The following KIF20B variants were observed in gnomAD, a reference collection of about 807,000 sequenced individuals.
KIF20B encodes kinesin-like protein KIF20B.
Under a neutral mutation model 232.5 loss-of-function variants are expected in KIF20B, and 188 were observed. That is an observed-to-expected ratio of 0.81 (90% CI 0.72 to 0.91). KIF20B has a LOEUF of 0.91. KIF20B is among the 40% of genes least tolerant of loss of function. The pLI is 0.00. For missense variants in KIF20B, 2,154 were observed against 2,055.9 expected (o/e 1.05, Z -0.92); for synonymous variants, 712 against 683.0 (o/e 1.04, Z -0.66).
At chr10:89,725,573 G>A (rs938469938) in intron 15 of KIF20B, among the ~76,000 whole-genome samples, 58 of 151,994 alleles carry the variant, frequency 3.8e-4, no homozygotes, top group African/African-American at 7.0e-4. Context: ...GGCAACTACC[G>A]TTTCTTACTC....
chr10:89,726,858 G>GA (rs1843197756), intron 16 of KIF20B, among the ~76,000 whole-genome samples: 1 of 133,566 alleles, frequency 7.5e-6, no homozygotes. Flanking sequence ...CAAGGCTGGA[G>GA]TCAGTAGTGG....
At chr10:89,741,968 G>A (rs2133134855) in intron 21 of KIF20B, among the ~76,000 whole-genome samples, 1 of 152,268 alleles carries the variant, frequency 6.6e-6, no homozygotes, top group African/African-American at 2.4e-5. Flanking sequence ...TGCAAAAGTA[G>A]TGATGCTGGC....
intron 23 of KIF20B, 141 bp from the exon 24 acceptor site, chr10:89,751,205 T>C (rs143283388): frequency 1.3e-3 from 791 of 609,996 alleles, no homozygotes; most frequent in Admixed American, 2.4e-3. Flanking sequence ...GATATTGCGA[T>C]GAATAAGACA....
chr10:89,756,095 C>T (rs1411452755), intron 26 of KIF20B, among the ~76,000 whole-genome samples: 1 of 152,082 alleles, frequency 6.6e-6, no homozygotes. Flanking sequence ...GAAATCAAGC[C>T]CTTGGTTGAA....
At chr10:89,768,992 T>A (rs1450563637) in intron 31 of KIF20B, 104 bp downstream of exon 31, 1 of 919,342 alleles carries the variant, frequency 1.1e-6, no homozygotes, top group Non-Finnish European at 1.6e-6. Flanking sequence ...AATATTATAC[T>A]TCAAATAGGC....
At chr10:89,763,820 A>G (rs2133170064) in intron 29 of KIF20B, among the ~76,000 whole-genome samples, 1 of 149,626 alleles carries the variant, frequency 6.7e-6, no homozygotes, top group South Asian at 2.1e-4. Flanking sequence ...TTATTAATAT[A>G]ACTATTATTA....
rs1399553211 is a variant in KIF20B at position 89,724,004 on chromosome 10, TAAATG to T, written c.1767_1771del (p.Asn589LysfsTer10). The T allele has an allele frequency of 3.2e-5, 51 of 1,579,692 alleles. No individual in the cohort carries two copies. The highest frequency in any genetic ancestry group is 4.4e-5 in the Non-Finnish European group (51 of 1,168,408). On this transcript the variant is annotated frameshift_variant, in exon 14 of 33. Transcript: ENST00000371728. LOFTEE classifies it high-confidence loss of function. The stretch of plus-strand genomic sequence containing the variant: ...ATAGAAGACTTGAAAAAAAAACTGA[TAAATG>T]AAAAAAAGGAAAAATTAACCTTGGA...
chr10:89,709,242 C>T lies in KIF20B; in HGVS notation c.223C>T (p.Leu75Phe), dbSNP rs1842788858. The T allele has an allele frequency of 1.9e-6, 3 of 1,607,942 alleles. No homozygotes were observed. The highest frequency in any genetic ancestry group is 2.6e-6 in the Non-Finnish European group (3 of 1,175,978). ...ACCATTTACACAGTCAGAAAAAGAA[C>T]TTGAGTCTGAGGTTTGTGTTGAATT... ...IRPFTQSEKELESEGCVHILD... is the reference protein window; with the variant it reads ...IRPFTQSEKEFESEGCVHILD... Residue 75 changes from leucine (L) to phenylalanine (F), a missense_variant, in exon 3 of 33, where the codon CTT becomes TTT. By Grantham distance (22) the Leu-to-Phe change is conservative (BLOSUM62 0). Transcript: ENST00000371728.
At position 89,714,058 on chromosome 10, in the gene KIF20B, TA is replaced by T; in HGVS notation, c.689del (p.Asn230MetfsTer11). 6.9e-7 allele frequency: 1 copy of T among 1,453,668 alleles called. No individual in the cohort carries two copies. The highest frequency in any genetic ancestry group is 9.3e-7 in the Non-Finnish European group (1 of 1,078,414). The allele number at this position is 1,453,668 out of a possible 1,614,324, so 90.0% of individuals were successfully genotyped here. On this transcript the variant is annotated frameshift_variant, in exon 7 of 33. Transcript: ENST00000371728. LOFTEE classifies it high-confidence loss of function. ...AATCTTTTTTTTAGGTTACTGTGCA[TA>T]ATGATAGTGATGATACTCTTTATGG... is the stretch of plus-strand genomic sequence containing the variant. ...LRQIKEVTVH[N>X]DSDDTLYGSL...
rs190798976 is a variant in KIF20B at position 89,774,123 on chromosome 10, A to G, written c.*75A>G. On this transcript the variant is annotated 3_prime_UTR_variant, in exon 33 of 33. Transcript: ENST00000371728. ...ACTTGCATCCTGTATTGTAAATATA[A>G]ATGTATATATTATGCATTAAATCAC... 44 of 864,390 alleles carry G rather than the reference A, an allele frequency of 5.1e-5. No homozygotes were observed. Among genetic ancestry groups the G allele is most frequent in the Admixed American group, 3.0e-4 (13 of 43,672 alleles). The allele number at this position is 864,390 out of a possible 1,614,324, so 53.5% of individuals were successfully genotyped here. A position where few individuals can be genotyped will look rare whatever the true frequency, so the allele number is the denominator to read the frequency against.
chr10:89,705,219 T>C lies in KIF20B; in HGVS notation c.-1-75T>C, dbSNP rs1319336529. The C allele has an allele frequency of 1.1e-5, 14 of 1,311,178 alleles. No individual in the cohort carries two copies. In the East Asian group the frequency reaches 1.6e-4, roughly 15 times the overall value. The allele number at this position is 1,311,178 out of a possible 1,614,324, so 81.2% of individuals were successfully genotyped here. A position where few individuals can be genotyped will look rare whatever the true frequency, so the allele number is the denominator to read the frequency against. ...AGTTATTTGGAGGGAAGTAGTGGGC[T>C]AGACTTTTGAAAGTGTGGGTGGCTT... On this transcript the variant is annotated intron_variant, in intron 1 of 32. Transcript: ENST00000371728.
At position 89,737,648 on chromosome 10, in the gene KIF20B, TTCAG is replaced by T; in HGVS notation, c.2811_2814del (p.Ser938IlefsTer24). 2.5e-6 allele frequency: 4 copies of T among 1,611,766 alleles called. No individual in the cohort carries two copies. Among genetic ancestry groups the T allele is most frequent in the Non-Finnish European group, 2.5e-6 (3 of 1,178,610 alleles). On this transcript the variant is annotated frameshift_variant, in exon 20 of 33. Transcript: ENST00000371728. LOFTEE classifies it high-confidence loss of function. Reference sequence around the variant, plus strand: ...ACTTTAAGTAAAGAGGTCCAACAAATTCAGTCAAATTATGATATTGCAATTGCTG... The same window carrying T: ...ACTTTAAGTAAAGAGGTCCAACAAATTCAAATTATGATATTGCAATTGCTG...
At chr10:89,727,792 T>G (rs975597543) in intron 16 of KIF20B, 64 bp from the exon 17 acceptor site, 2 of 1,354,876 alleles carry the variant, frequency 1.5e-6, no homozygotes, top group African/African-American at 2.9e-5. Context: ...TGTTTCATAG[T>G]TATTCAGTGA....
intron 32 of KIF20B, 111 bp from the exon 33 acceptor site, chr10:89,773,860 A>G (rs942349320): frequency 1.2e-5 from 6 of 495,260 alleles, no homozygotes; most frequent in African/African-American, 1.2e-4. Context: ...AAATTCTCCA[A>G]TGTATCATTT....
chr10:89,772,867 T>G (rs1842493156), intron 32 of KIF20B, 36 bp downstream of exon 32: 9 of 1,520,364 alleles, frequency 5.9e-6, no homozygotes, highest in Middle Eastern at 1.8e-4. Flanking sequence ...AATGTAGAAC[T>G]GTTCGTGTTC....
intron 9 of KIF20B, among the ~76,000 whole-genome samples, chr10:89,717,091 C>G (rs1403409360): frequency 6.6e-6 from 1 of 152,118 alleles, no homozygotes; most frequent in East Asian, 1.9e-4. Flanking sequence ...GGTATGTATT[C>G]AGAGTATTGG....
At chr10:89,702,078 AG>A (rs1230381900) in intron 1 of KIF20B, among the ~76,000 whole-genome samples, 65 of 152,328 alleles carry the variant, frequency 4.3e-4, no homozygotes, top group African/African-American at 1.5e-3. Context: ...AAATGTTTGC[AG>A]TTATTAATAT....
rs984306170 is a variant in KIF20B at position 89,706,720 on chromosome 10, C to T, written c.147+1279C>T. On this transcript the variant is annotated intron_variant, in intron 2 of 32. Coordinates refer to ENST00000371728, the MANE Select transcript of KIF20B (RefSeq NM_001284259.2). ...CCCTGTTGTTTTGGTGCTTTACAAA[C>T]GGCTGTGTATATGTGGATCTATTTC... 4.6e-5 allele frequency among the ~76,000 whole-genome samples: 7 copies of T among 151,718 alleles called. No homozygotes were observed. The South Asian group carries it at 6.2e-4, about 14-fold the overall frequency.
At chr10:89,731,168 A>G (rs1185581657) in intron 18 of KIF20B, among the ~76,000 whole-genome samples, 1 of 152,190 alleles carries the variant, frequency 6.6e-6, no homozygotes, top group African/African-American at 2.4e-5. Flanking sequence ...GGTAAATAAA[A>G]ACAAAAAGGA....
Sources: gnomAD v4.1 joint callset for allele counts (sites outside exome capture counted in the v4.1 genomes callset) on GRCh38, gnomAD v4.1.1 for gene constraint, MANE v1.5 for transcripts, NCBI Gene and HGNC (gene_info 2026-07-23, HGNC 2026-07-21) for gene names.